IL1RAPL1: variants seen among roughly 807,000 people sequenced by gnomAD.
IL1RAPL1 encodes the protein interleukin-1 receptor accessory protein-like 1.
In IL1RAPL1, 3 loss-of-function variants were observed where a neutral mutation model predicts 48.4. That is an observed-to-expected ratio of 0.06 (90% confidence interval 0.03 to 0.16). The LOEUF is 0.16. Among genes scored for constraint, IL1RAPL1 ranks in the 10% least tolerant of loss-of-function variants. IL1RAPL1 has a pLI of 1.00. For missense variants in IL1RAPL1, 349 were observed against 530.6 expected (o/e 0.66, Z 3.36); for synonymous variants, 185 against 187.7 (o/e 0.99, Z 0.12).
intron 2 of IL1RAPL1, among the ~76,000 whole-genome samples, chrX:29,247,231 A>G (rs1025184386): frequency 8.9e-6 from 1 of 112,003 alleles, no homozygotes; most frequent in Non-Finnish European, 1.9e-5. Flanking sequence ...GGATATTAGA[A>G]ATTATGAAAC....
At chrX:29,802,186 G>A (rs1243172646) in intron 6 of IL1RAPL1, among the ~76,000 whole-genome samples, 1 of 111,883 alleles carries the variant, frequency 8.9e-6, no homozygotes, top group Non-Finnish European at 1.9e-5. Flanking sequence ...AAATCGGCAT[G>A]GAGCGTTCGG....
At chrX:29,813,758 G>A (rs1238697645) in intron 6 of IL1RAPL1, among the ~76,000 whole-genome samples, 1 of 110,413 alleles carries the variant, frequency 9.1e-6, no homozygotes, top group African/African-American at 3.3e-5. Context: ...CCTGCATCTG[G>A]TAATCTGCAG....
At chrX:28,986,482 A>G (rs1396507946) in intron 2 of IL1RAPL1, among the ~76,000 whole-genome samples, 1 of 112,393 alleles carries the variant, frequency 8.9e-6, no homozygotes, top group Admixed American at 9.4e-5. Context: ...ATTAAAATGT[A>G]GAATGTTTTG....
chrX:29,293,684 T>C (rs775769593), intron 3 of IL1RAPL1, among the ~76,000 whole-genome samples: 5 of 111,512 alleles, frequency 4.5e-5, no homozygotes, highest in South Asian at 7.5e-4. Context: ...CATGACATAA[T>C]TGGTAATTAT....
intron 2 of IL1RAPL1, among the ~76,000 whole-genome samples, chrX:28,980,200 C>G (rs1434858581): frequency 8.9e-6 from 1 of 112,529 alleles, no homozygotes; most frequent in South Asian, 3.7e-4. Flanking sequence ...CTTCTCTCAC[C>G]TCCAGTGTTT....
chrX:28,702,597 G>A (rs762284457), intron 1 of IL1RAPL1, among the ~76,000 whole-genome samples: 200 of 111,617 alleles, frequency 1.8e-3, no homozygotes, highest in African/African-American at 6.0e-3. Flanking sequence ...TAATCTCATC[G>A]TGTAGTTTTT....
chrX:29,734,691 G>A (rs1928003537), intron 6 of IL1RAPL1, among the ~76,000 whole-genome samples: 1 of 112,147 alleles, frequency 8.9e-6, no homozygotes, highest in African/African-American at 3.2e-5. Context: ...TTACTGTTCC[G>A]TGTTCTCAAA....
intron 5 of IL1RAPL1, among the ~76,000 whole-genome samples, chrX:29,534,904 G>C (rs1168659006): frequency 9.2e-6 from 1 of 108,639 alleles, no homozygotes; most frequent in Non-Finnish European, 1.9e-5. Flanking sequence ...GGGAGGCGGA[G>C]CTTGCAGTGA....
chrX:29,469,696 T>C (rs1204386657), intron 5 of IL1RAPL1, among the ~76,000 whole-genome samples: 1 of 111,646 alleles, frequency 9.0e-6, no homozygotes. Context: ...AGAGTTGTTA[T>C]GGGGCTACAT....
rs111351880 is a variant in IL1RAPL1, at chrX:29,026,996, A to G, written c.82+237571A>G. Among the ~76,000 whole-genome samples, 573 of 112,170 alleles carry G rather than the reference A, an allele frequency of 5.1e-3. 4 individuals carry two copies. The highest frequency in any genetic ancestry group is 0.018 in the African/African-American group (555 of 30,906). On this transcript the variant is annotated intron_variant, in intron 2 of 10. Coordinates refer to ENST00000378993, the MANE Select transcript of IL1RAPL1 (RefSeq NM_014271.4). ...CCCCCTACAATTTACATCCTCTACC[A>G]GAGTGGTACAGTTGTTGAAATTGAT...
chrX:29,894,967 C>T (rs1932350269), intron 6 of IL1RAPL1, among the ~76,000 whole-genome samples: 1 of 109,544 alleles, frequency 9.1e-6, no homozygotes, highest in African/African-American at 3.3e-5. Context: ...GCTAGGACTA[C>T]AGGCACCCAC....
intron 2 of IL1RAPL1, among the ~76,000 whole-genome samples, chrX:28,879,281 G>C (rs1204476308): frequency 9.0e-6 from 1 of 111,248 alleles, no homozygotes; most frequent in African/African-American, 3.3e-5. Flanking sequence ...TAAAAATTAA[G>C]AGAAATATAA....
chrX:29,697,217 G>A (rs1265595494), intron 6 of IL1RAPL1, among the ~76,000 whole-genome samples: 1 of 111,998 alleles, frequency 8.9e-6, no homozygotes, highest in African/African-American at 3.2e-5. Flanking sequence ...CCCTTTCTGA[G>A]AAGTGAAGTG....
At chrX:29,800,681 T>C (rs1382767415) in intron 6 of IL1RAPL1, among the ~76,000 whole-genome samples, 1 of 108,486 alleles carries the variant, frequency 9.2e-6, no homozygotes, top group Non-Finnish European at 1.9e-5. Context: ...AAGATTACAT[T>C]AGTCAGAAAA....
intron 1 of IL1RAPL1, among the ~76,000 whole-genome samples, chrX:28,614,698 A>T (rs1384279518): frequency 9.0e-6 from 1 of 111,272 alleles, no homozygotes; most frequent in East Asian, 2.8e-4. Flanking sequence ...TACTAATACT[A>T]ACAAATCTGT....
At chrX:28,897,917 G>C (rs987628989) in intron 2 of IL1RAPL1, among the ~76,000 whole-genome samples, 5 of 111,213 alleles carry the variant, frequency 4.5e-5, no homozygotes, top group Admixed American at 9.5e-5. Context: ...GTGGGGGTCA[G>C]AAGGTGCTCA....
chrX:29,585,165 A>C (rs1443863022), intron 5 of IL1RAPL1, among the ~76,000 whole-genome samples: 2 of 111,961 alleles, frequency 1.8e-5, no homozygotes, highest in African/African-American at 6.5e-5. Context: ...TATTTAACTG[A>C]AACTTTATGC....
At chrX:29,172,242 A>G (rs225453) in intron 2 of IL1RAPL1, among the ~76,000 whole-genome samples, 41,145 of 110,884 alleles carry the variant, frequency 0.37, 6,751 homozygotes, top group Non-Finnish European at 0.51. Flanking sequence ...AAGCAATTGT[A>G]TGATCCTAGA....
chrX:29,162,053 T>G (rs764974167), intron 2 of IL1RAPL1, among the ~76,000 whole-genome samples: 121 of 111,898 alleles, frequency 1.1e-3, no homozygotes, highest in Admixed American at 1.8e-3. Context: ...TCATGTCCTT[T>G]GCAGGGAAAT....
Sources: gnomAD v4.1 joint callset for allele counts (sites outside exome capture counted in the v4.1 genomes callset) on GRCh38, gnomAD v4.1.1 for gene constraint, MANE v1.5 for transcripts, NCBI Gene and HGNC (gene_info 2026-07-23, HGNC 2026-07-21) for gene names.